Variants in TSPEAR observed in about 807,000 individuals in gnomAD.
TSPEAR encodes thrombospondin-type laminin G domain and EAR repeat-containing protein.
In TSPEAR, 69 loss-of-function variants were observed where a neutral mutation model predicts 71.6. That is an observed-to-expected ratio of 0.96 (90% confidence interval 0.79 to 1.18). The LOEUF is 1.18. Ranked by LOEUF, TSPEAR falls within the 50% of genes most tolerant of loss-of-function variation. TSPEAR has a pLI of 0.00. For missense variants in TSPEAR, 971 were observed against 894.9 expected, an observed-to-expected ratio of 1.09 and a Z score of -1.09; for synonymous variants, 402 against 387.2, an observed-to-expected ratio of 1.04 and a Z score of -0.45.
At chr21:44,572,039 G>A (rs1471949050) in intron 1 of TSPEAR, among the ~76,000 whole-genome samples, 5 of 152,314 alleles carry the variant, frequency 3.3e-5, no homozygotes, top group East Asian at 1.9e-4. Flanking sequence ...AGAGGGAAAC[G>A]GCGGCACCGC....
Position 44,658,002 on chromosome 21 carries a change from C to A in TSPEAR, c.82+53431G>T, listed in dbSNP as rs115752374. 3,601 of 1,613,710 alleles carry A rather than the reference C, an allele frequency of 2.2e-3. 73 individuals carry two copies. In the African/African-American group the frequency reaches 0.042, roughly 19 times the overall value. On this transcript the variant is annotated intron_variant, in intron 1 of 11. Coordinates refer to ENST00000323084, the MANE Select transcript of TSPEAR (RefSeq NM_144991.3). ...ACCATGTGCCACACCAGCTGCTCCC[C>A]AGCCTGCCAGCCAACCTGCTGCATA...
intron 1 of TSPEAR, among the ~76,000 whole-genome samples, chr21:44,628,460 G>A (rs587640256): frequency 7.2e-5 from 11 of 152,028 alleles, no homozygotes; most frequent in East Asian, 3.9e-4. Flanking sequence ...GCTGGGCCCC[G>A]TGGATCTCTT....
At chr21:44,699,173 G>A (rs1263187939) in intron 1 of TSPEAR, among the ~76,000 whole-genome samples, 1 of 151,970 alleles carries the variant, frequency 6.6e-6, no homozygotes, top group African/African-American at 2.4e-5. Context: ...CTCCAGCCTG[G>A]ACGACAGAGT....
At chr21:44,670,979 A>AC (rs1307155327) in intron 1 of TSPEAR, among the ~76,000 whole-genome samples, 1 of 151,980 alleles carries the variant, frequency 6.6e-6, no homozygotes, top group Non-Finnish European at 1.5e-5. Context: ...ATCATAAATT[A>AC]CCCCACACTA....
rs587721656 is a variant in TSPEAR at position 44,569,244 on chromosome 21, G to A, written c.83-1239C>T. On this transcript the variant is annotated intron_variant, in intron 1 of 11. Coordinates refer to ENST00000323084, the MANE Select transcript of TSPEAR (RefSeq NM_144991.3). Reference sequence around the variant, plus strand: ...TGGAAAAGCATCCTGGTCCGCACACGCGCACACAGGGTGTGAAACGCAGGG... The same window carrying A: ...TGGAAAAGCATCCTGGTCCGCACACACGCACACAGGGTGTGAAACGCAGGG... Among the ~76,000 whole-genome samples, 100 of 152,324 alleles carry A rather than the reference G, an allele frequency of 6.6e-4. 1 individual carries two copies. The highest frequency in any genetic ancestry group is 2.1e-3 in the African/African-American group (89 of 41,572).
intron 1 of TSPEAR, among the ~76,000 whole-genome samples, chr21:44,606,999 G>A (rs1379726561): frequency 6.6e-6 from 1 of 152,150 alleles, no homozygotes; most frequent in Admixed American, 6.5e-5. Flanking sequence ...CTTCAAAACT[G>A]GTAAAAGAAT....
Position 44,546,141 on chromosome 21 carries a change from A to G in TSPEAR, c.304-12218T>C, listed in dbSNP as rs2053300328. 6.6e-6 allele frequency among the ~76,000 whole-genome samples: 1 copy of G among 152,240 alleles called. No homozygotes were observed. On this transcript the variant is annotated intron_variant, in intron 2 of 11. Coordinates refer to ENST00000323084, the MANE Select transcript of TSPEAR (RefSeq NM_144991.3). The surrounding 1 kb of genome is among the most constrained non-coding windows in gnomAD (Gnocchi z 4.4). Reference sequence around the variant, plus strand: ...AAAAAGGATTATAAGGAATACTATGAAAATTTGTACACCAACAAATTAGAT... The same window carrying G: ...AAAAAGGATTATAAGGAATACTATGGAAATTTGTACACCAACAAATTAGAT...
At chr21:44,501,748 G>C (rs1385847691) in intron 11 of TSPEAR, among the ~76,000 whole-genome samples, 3 of 152,188 alleles carry the variant, frequency 2.0e-5, no homozygotes, top group Non-Finnish European at 2.9e-5. Flanking sequence ...CTGGGCTACA[G>C]AGTGAGACCC....
In TSPEAR at chr21:44,506,385, T is replaced by C. The variant is rs587595842; in HGVS notation, c.1755-1504A>G. On this transcript the variant is annotated intron_variant, in intron 10 of 11. Coordinates refer to ENST00000323084, the MANE Select transcript of TSPEAR (RefSeq NM_144991.3). This position sits in a 1 kb window ranked among gnomAD's most constrained non-coding sequence, Gnocchi z 4.2. ...GACATGCAGGCCAGGCGGGTGCCTCTGTATTCAGCAGCCTCAGGGCTGTGG... is the reference window on the plus strand; with the variant it reads ...GACATGCAGGCCAGGCGGGTGCCTCCGTATTCAGCAGCCTCAGGGCTGTGG... 7.9e-5 allele frequency among the ~76,000 whole-genome samples: 12 copies of C among 152,320 alleles called. No homozygotes were observed. Among genetic ancestry groups the C allele is most frequent in the Admixed American group, 2.0e-4 (3 of 15,308 alleles).
chr21:44,698,127 C>G, intron 1 of TSPEAR: 2 of 698,354 alleles, frequency 2.9e-6, no homozygotes, highest in South Asian at 1.9e-5. Context: ...TCCAGATGAC[C>G]CTGCCTCCAC....
intron 2 of TSPEAR, among the ~76,000 whole-genome samples, chr21:44,534,174 G>GA (rs2053037657): frequency 1.5e-5 from 1 of 65,148 alleles, no homozygotes; most frequent in African/African-American, 8.6e-5. Context: ...GCTGGTGTGA[G>GA]GGGGCGGGGC....
rs587748788 is a variant in TSPEAR at position 44,533,518 on chromosome 21, C to T, written c.542+167G>A. 2.8e-4 allele frequency among the ~76,000 whole-genome samples: 43 copies of T among 152,178 alleles called. 1 individual carries two copies. In the East Asian group the frequency reaches 7.5e-3, roughly 27 times the overall value. On this transcript the variant is annotated intron_variant, in intron 3 of 11. Transcript: ENST00000323084. The stretch of plus-strand genomic sequence containing the variant: ...ATGGCTCCTGGCCCCTGGTCGGCTC[C>T]TGCCCCGTGGATGGCTCCTGCCCCT...
At chr21:44,644,426 T>C (rs1169014118) in intron 1 of TSPEAR, among the ~76,000 whole-genome samples, 1 of 152,196 alleles carries the variant, frequency 6.6e-6, no homozygotes, top group African/African-American at 2.4e-5. Context: ...CACACACCTG[T>C]ACTAATAATC....
intron 2 of TSPEAR, among the ~76,000 whole-genome samples, chr21:44,566,739 G>A (rs994123377): frequency 2.0e-5 from 3 of 152,086 alleles, no homozygotes; most frequent in Non-Finnish European, 4.4e-5. Context: ...TTTCTCACAA[G>A]GTTGTCAAGA....
intron 1 of TSPEAR, chr21:44,574,433 G>T: frequency 6.2e-7 from 1 of 1,601,282 alleles, no homozygotes; most frequent in Non-Finnish European, 8.5e-7. Flanking sequence ...CCTCCTGCCA[G>T]CAGGCCTGCT....
intron 1 of TSPEAR, among the ~76,000 whole-genome samples, chr21:44,660,804 T>C (rs1478790380): frequency 6.6e-6 from 1 of 151,566 alleles, no homozygotes; most frequent in Non-Finnish European, 1.5e-5. Context: ...CCATCCCTAC[T>C]AAAAATACAA....
chr21:44,661,480 G>C (rs1985494086), intron 1 of TSPEAR, among the ~76,000 whole-genome samples: 2 of 152,114 alleles, frequency 1.3e-5, no homozygotes, highest in African/African-American at 2.4e-5. Context: ...ATTACCCGGA[G>C]GTATCCTTTG....
chr21:44,628,797 G>A (rs1254490777), intron 1 of TSPEAR, among the ~76,000 whole-genome samples: 5 of 152,184 alleles, frequency 3.3e-5, no homozygotes, highest in African/African-American at 4.8e-5. Flanking sequence ...AGTTCCACTC[G>A]GAGAGAGCTT....
At chr21:44,644,078 AGCCAGG>A in intron 1 of TSPEAR, among the ~76,000 whole-genome samples, 1 of 152,204 alleles carries the variant, frequency 6.6e-6, no homozygotes, top group East Asian at 1.9e-4. Flanking sequence ...TCCCTCTCCC[AGCCAGG>A]GCCATTTAAT....
Sources: allele counts gnomAD v4.1 joint callset (sites outside exome capture counted in the v4.1 genomes callset), GRCh38; gene constraint gnomAD v4.1.1; non-coding constraint Gnocchi (gnomAD v3.1); transcripts MANE v1.5; gene names NCBI Gene and HGNC (gene_info 2026-07-23, HGNC 2026-07-21).